Variants in DSCAM observed in about 807,000 individuals in gnomAD.
DSCAM encodes the protein cell adhesion molecule DSCAM.
In DSCAM, 47 loss-of-function variants were observed where a neutral mutation model predicts 217.7. The observed-to-expected ratio is 0.22, with a 90% CI of 0.17 to 0.28. DSCAM has a LOEUF of 0.28. Ranked by LOEUF, DSCAM falls within the 10% of genes least tolerant of loss-of-function variation. The probability of loss-of-function intolerance (pLI) is 1.00; values close to 1 mark genes in which losing one functional copy is unlikely to be tolerated. For synonymous variants in DSCAM, 1,056 were observed against 1,015.3 expected (o/e 1.04, Z -0.76); for missense variants, 2,080 against 2,618.3 (o/e 0.79, Z 4.49).
chr21:40,353,594 C>T lies in DSCAM; in HGVS notation c.805G>A (p.Gly269Arg), dbSNP rs2074658109. 1 of 1,610,414 alleles carries T rather than the reference C, an allele frequency of 6.2e-7. No homozygotes were observed. The highest frequency in any genetic ancestry group is 1.7e-5 in the Admixed American group (1 of 58,368). The change falls in exon 5 of 33, where the codon GGG (glycine) becomes AGG (arginine). Residue 269 changes from glycine (G) to arginine (R), a missense_variant. Coordinates refer to ENST00000400454, the MANE Select transcript of DSCAM (RefSeq NM_001389.5). ...LKDNMPLELS[G>R]RFQKTVTGLL... Reference sequence around the variant, plus strand: ...CCCGTCACGGTCTTCTGGAACCTCCCTGAAAGTTCCAGGGGCATGTTGTCC... The same window carrying T: ...CCCGTCACGGTCTTCTGGAACCTCCTTGAAAGTTCCAGGGGCATGTTGTCC...
At chr21:40,109,990 G>T (rs978758637) in intron 20 of DSCAM, among the ~76,000 whole-genome samples, 3 of 152,192 alleles carry the variant, frequency 2.0e-5, no homozygotes, top group African/African-American at 7.2e-5. Context: ...CACCTCTGGG[G>T]GCAGGGCATA....
At chr21:40,553,575 A>G (rs1412064689) in intron 3 of DSCAM, among the ~76,000 whole-genome samples, 1 of 152,340 alleles carries the variant, frequency 6.6e-6, no homozygotes, top group East Asian at 1.9e-4. Flanking sequence ...ATTTTTACAT[A>G]TATATCATTA....
At chr21:40,465,378 G>C (rs1601664304) in intron 3 of DSCAM, among the ~76,000 whole-genome samples, 1 of 152,046 alleles carries the variant, frequency 6.6e-6, no homozygotes, top group South Asian at 2.1e-4. Flanking sequence ...TCTCCCAAAA[G>C]CTCTGTTTGA....
At chr21:40,348,800 T>C (rs796440770) in intron 5 of DSCAM, among the ~76,000 whole-genome samples, 80 of 152,248 alleles carry the variant, frequency 5.3e-4, no homozygotes, top group African/African-American at 1.9e-3. Flanking sequence ...TTGGTCAAAC[T>C]GCCTTCTCAG....
intron 3 of DSCAM, among the ~76,000 whole-genome samples, chr21:40,490,402 CTAT>C (rs1381087214): frequency 6.6e-6 from 1 of 152,084 alleles, no homozygotes; most frequent in East Asian, 1.9e-4. Context: ...CTTTTACTTA[CTAT>C]GTAGGTTCAC....
At chr21:40,239,668 TAGA>T (rs978334199) in intron 11 of DSCAM, among the ~76,000 whole-genome samples, 22 of 152,300 alleles carry the variant, frequency 1.4e-4, no homozygotes, top group African/African-American at 3.4e-4. Context: ...TCACTTGATT[TAGA>T]AGGACAGATG....
chr21:40,042,253 C>G, intron 32 of DSCAM, 118 bp downstream of exon 32: 1 of 1,041,778 alleles, frequency 9.6e-7, no homozygotes, highest in Non-Finnish European at 1.4e-6. Context: ...ATGCAGCCAT[C>G]CATAAACAGA....
At chr21:40,481,018 C>T (rs1306724315) in intron 3 of DSCAM, among the ~76,000 whole-genome samples, 2 of 152,220 alleles carry the variant, frequency 1.3e-5, no homozygotes, top group Non-Finnish European at 2.9e-5. Flanking sequence ...CCCTGAAATG[C>T]TGCAGCTAGA....
chr21:40,812,401 C>T (rs1009030601), intron 1 of DSCAM, among the ~76,000 whole-genome samples: 1 of 152,296 alleles, frequency 6.6e-6, no homozygotes, highest in Middle Eastern at 3.4e-3. Flanking sequence ...ATGCATTCTA[C>T]TGTCACACTG....
At chr21:40,068,091 G>C (rs147501698) in intron 27 of DSCAM, among the ~76,000 whole-genome samples, 1 of 152,022 alleles carries the variant, frequency 6.6e-6, no homozygotes, top group Non-Finnish European at 1.5e-5. Context: ...CTGTTGGGCT[G>C]GGAAATGATG....
chr21:40,228,873 GA>G lies in DSCAM; in HGVS notation c.2357-39636del, dbSNP rs370375864. 8.9e-3 allele frequency among the ~76,000 whole-genome samples: 1,332 copies of G among 150,068 alleles called. 15 individuals are homozygous for G. Among genetic ancestry groups the G allele is most frequent in the African/African-American group, 0.031 (1,257 of 41,008 alleles). The stretch of plus-strand genomic sequence containing the variant: ...TGCTTCCAGGTTCTCTTAGCTGACA[GA>G]AAAAAAAATGTGTGTATACTAACAC... On this transcript the variant is annotated intron_variant, in intron 11 of 32. Transcript: ENST00000400454.
chr21:40,391,585 T>C (rs2075134364), intron 3 of DSCAM, among the ~76,000 whole-genome samples: 1 of 152,242 alleles, frequency 6.6e-6, no homozygotes, highest in East Asian at 1.9e-4. Context: ...TCCAGGGTTG[T>C]TCATACTGTG....
intron 1 of DSCAM, among the ~76,000 whole-genome samples, chr21:40,776,033 CCTAA>C (rs1332254565): frequency 2.0e-5 from 3 of 152,064 alleles, no homozygotes; most frequent in East Asian, 1.9e-4. Flanking sequence ...GCTGTCTGTT[CCTAA>C]CTGTTATGCT....
rs756872225 is a variant in DSCAM, at chr21:40,489,738, G to GCACT, written c.509-120497_509-120494dup. 3.0e-4 allele frequency among the ~76,000 whole-genome samples: 34 copies of GCACT among 114,422 alleles called. No homozygotes were observed. The South Asian group carries it at 9.6e-3, about 32-fold the overall frequency. The allele number at this position is 114,422 out of a possible 152,430, so 75.1% of individuals were successfully genotyped here. On this transcript the variant is annotated intron_variant, in intron 3 of 32. Transcript: ENST00000400454. The stretch of plus-strand genomic sequence containing the variant: ...TGCAGTGAGCCGAGATCCCGCCACT[G>GCACT]CACTCCAGCCTGGGCGACAGGGCGA...
intron 3 of DSCAM, among the ~76,000 whole-genome samples, chr21:40,526,718 T>C (rs1258192637): frequency 2.0e-5 from 3 of 152,282 alleles, no homozygotes; most frequent in South Asian, 2.1e-4. Flanking sequence ...GTTAGCTTGA[T>C]TGTGGCACTC....
At chr21:40,270,019 T>G (rs772807449) in intron 11 of DSCAM, among the ~76,000 whole-genome samples, 2 of 152,220 alleles carry the variant, frequency 1.3e-5, no homozygotes, top group Admixed American at 6.5e-5. Context: ...ATCTGCTATA[T>G]GGACCCTCCT....
chr21:40,068,800 T>TG (rs2089247783), intron 27 of DSCAM, among the ~76,000 whole-genome samples: 2 of 152,152 alleles, frequency 1.3e-5, no homozygotes. Flanking sequence ...AAATGGGGTA[T>TG]GATGGCTGGA....
intron 3 of DSCAM, among the ~76,000 whole-genome samples, chr21:40,416,089 T>C (rs755966210): frequency 1.6e-4 from 25 of 152,152 alleles, no homozygotes; most frequent in Non-Finnish European, 3.2e-4. Flanking sequence ...CACTTGGACA[T>C]GATGTGAAAA....
rs201672838 is a variant in DSCAM, at chr21:40,121,681, C to CTTTTTTTTTTT, written c.3696+2503_3696+2513dup. Among the ~76,000 whole-genome samples, 470 of 73,738 alleles carry CTTTTTTTTTTT rather than the reference C, an allele frequency of 6.4e-3. 56 individuals carry two copies. Among genetic ancestry groups the CTTTTTTTTTTT allele is most frequent in the African/African-American group, 0.01 (182 of 17,394 alleles). The allele number at this position is 73,738 out of a possible 152,430, so 48.4% of individuals were successfully genotyped here. A position where few individuals can be genotyped will look rare whatever the true frequency, so the allele number is the denominator to read the frequency against. ...CTGGTGGGTTTGCTCTCATTACTGT[C>CTTTTTTTTTTT]TTTTTTTTTTTTTTTTTTTTTTTTT... On this transcript the variant is annotated intron_variant, in intron 20 of 32. Coordinates refer to ENST00000400454, the MANE Select transcript of DSCAM (RefSeq NM_001389.5).
Sources: gnomAD v4.1 joint callset for allele counts (sites outside exome capture counted in the v4.1 genomes callset) on GRCh38, gnomAD v4.1.1 for gene constraint, MANE v1.5 for transcripts, NCBI Gene and HGNC (gene_info 2026-07-23, HGNC 2026-07-21) for gene names.